Variants in NEURL1 observed in about 807,000 individuals in gnomAD.
NEURL1 encodes E3 ubiquitin-protein ligase NEURL1.
NEURL1 carries 26 observed loss-of-function variants against 41.2 expected under a neutral mutation model. The observed-to-expected ratio is 0.63, with a 90% CI of 0.46 to 0.87. The LOEUF (loss-of-function observed/expected upper bound fraction) is 0.87, where lower values mean the gene tolerates loss of function less well. NEURL1 is among the 40% of genes least tolerant of loss of function. The probability of loss-of-function intolerance (pLI) is 0.00; values close to 1 mark genes in which losing one functional copy is unlikely to be tolerated. For missense variants in NEURL1, 761 were observed against 871.1 expected (o/e 0.87, Z 1.59); for synonymous variants, 400 against 402.3 (o/e 0.99, Z 0.07).
At chr10:103,548,271 T>C (rs554692638) in intron 1 of NEURL1, among the ~76,000 whole-genome samples, 1 of 152,194 alleles carries the variant, frequency 6.6e-6, no homozygotes, top group African/African-American at 2.4e-5. Flanking sequence ...GGGTACCGAG[T>C]AAATGTTTCT....
chr10:103,521,503 C>T (rs10786756), intron 1 of NEURL1, among the ~76,000 whole-genome samples: 2 of 151,862 alleles, frequency 1.3e-5, no homozygotes, highest in East Asian at 1.9e-4. Flanking sequence ...CAATCCCTGA[C>T]GAGTAGCAGA....
chr10:103,506,105 GA>G (rs2033940559), intron 1 of NEURL1, among the ~76,000 whole-genome samples: 3 of 152,344 alleles, frequency 2.0e-5, no homozygotes, highest in African/African-American at 7.2e-5. Flanking sequence ...TTGGGGTAAG[GA>G]CGGAAAAGGG....
chr10:103,555,081 C>G (rs1592218366), intron 1 of NEURL1, among the ~76,000 whole-genome samples: 1 of 151,280 alleles, frequency 6.6e-6, no homozygotes, highest in African/African-American at 2.4e-5. Context: ...CAGATCCCAT[C>G]GGCTGTACCA....
chr10:103,584,840 C>CGGGCGCGACGA lies in NEURL1; in HGVS notation c.956_966dup (p.Arg323GlyfsTer185). 7.1e-7 allele frequency: 1 copy of CGGGCGCGACGA among 1,407,820 alleles called. No individual in the cohort carries two copies. The highest frequency in any genetic ancestry group is 9.2e-7 in the Non-Finnish European group (1 of 1,090,432). The allele number at this position is 1,407,820 out of a possible 1,614,324, so 87.2% of individuals were successfully genotyped here. A position where few individuals can be genotyped will look rare whatever the true frequency, so the allele number is the denominator to read the frequency against. On this transcript the variant is annotated frameshift_variant, in exon 4 of 6. Coordinates refer to ENST00000369780, the MANE Select transcript of NEURL1 (RefSeq NM_004210.5). LOFTEE classifies it high-confidence loss of function. ...AGCAGACGGTGGCGCGCGTGGAGCA[C>CGGGCGCGACGA]GGGCGCGACGAGCGCGCGCTCGTCT...
chr10:103,532,378 G>A (rs147113200), intron 1 of NEURL1, among the ~76,000 whole-genome samples: 1,608 of 152,174 alleles, frequency 0.011, 24 homozygotes, highest in African/African-American at 0.035. Context: ...ACTTTTATGT[G>A]TTTTCATGAT....
intron 1 of NEURL1, chr10:103,550,591 C>T (rs947263989): frequency 2.6e-5 from 4 of 152,300 alleles, no homozygotes; most frequent in East Asian, 1.9e-4. Context: ...CTGTTCTCCA[C>T]CTGCATTTAG....
At chr10:103,534,418 G>A (rs150943509) in intron 1 of NEURL1, among the ~76,000 whole-genome samples, 2 of 152,212 alleles carry the variant, frequency 1.3e-5, no homozygotes, top group East Asian at 3.9e-4. Flanking sequence ...GTAGAGAAAG[G>A]TTTTCATCTG....
At chr10:103,529,121 A>G (rs1246189585) in intron 1 of NEURL1, among the ~76,000 whole-genome samples, 1 of 152,226 alleles carries the variant, frequency 6.6e-6, no homozygotes, top group Non-Finnish European at 1.5e-5. Context: ...TTCTCTCTCC[A>G]GTCTTCATTT....
chr10:103,533,748 G>T (rs1378631818), intron 1 of NEURL1, among the ~76,000 whole-genome samples: 1 of 152,306 alleles, frequency 6.6e-6, no homozygotes, highest in South Asian at 2.1e-4. Flanking sequence ...GTGTTAGCCA[G>T]GATGGTCTCG....
chr10:103,510,614 G>A (rs1371113051), intron 1 of NEURL1, among the ~76,000 whole-genome samples: 1 of 152,170 alleles, frequency 6.6e-6, no homozygotes, highest in East Asian at 1.9e-4. Context: ...TTCTGAAGGG[G>A]CCCAGCTGTC....
Position 103,585,061 on chromosome 10 carries a change from C to G in NEURL1, c.1175C>G (p.Pro392Arg). ...EFWAVCRVPG[P>R]LHSGDILGLV... ...TGGGCCGTGTGCCGCGTGCCCGGGC[C>G]CCTGCACAGCGGCGACATCCTGGGC... The change falls in exon 4 of 6, where the codon CCC (proline) becomes CGC (arginine). Residue 392 changes from proline (P) to arginine (R), a missense_variant. Transcript: ENST00000369780. 6.3e-7 allele frequency: 1 copy of G among 1,590,614 alleles called. No homozygotes were observed. The highest frequency in any genetic ancestry group is 8.5e-7 in the Non-Finnish European group (1 of 1,176,560).
chr10:103,566,151 G>A lies in NEURL1; in HGVS notation c.86-4721G>A, dbSNP rs1230109801. Among the ~76,000 whole-genome samples the A allele has an allele frequency of 6.6e-6, 1 of 151,704 alleles. No individual in the cohort carries two copies. Among genetic ancestry groups the A allele is most frequent in the Non-Finnish European group, 1.5e-5 (1 of 67,964 alleles). ...GTCACCCAGGCTGAAGTGCAGTGGT[G>A]CTATCATAGCTCACTGCAATCTCAA... On this transcript the variant is annotated intron_variant, in intron 1 of 5. Transcript: ENST00000369780. This position sits in a 1 kb window ranked among gnomAD's most constrained non-coding sequence, Gnocchi z 4.2.
At chr10:103,539,476 C>T (rs1386800161) in intron 1 of NEURL1, among the ~76,000 whole-genome samples, 6 of 152,076 alleles carry the variant, frequency 3.9e-5, no homozygotes, top group Admixed American at 3.9e-4. Flanking sequence ...CTTTTTATGT[C>T]CTATTTAAAT....
At chr10:103,510,546 C>T (rs2034046378) in intron 1 of NEURL1, among the ~76,000 whole-genome samples, 1 of 152,174 alleles carries the variant, frequency 6.6e-6, no homozygotes, top group Non-Finnish European at 1.5e-5. Context: ...AGCCCCCCTC[C>T]TTGTAGGCCA....
intron 1 of NEURL1, chr10:103,494,755 T>C (rs2033643206): frequency 2.4e-6 from 1 of 422,492 alleles, no homozygotes; most frequent in East Asian, 4.4e-5. Flanking sequence ...TGGGAAAGGA[T>C]GTTTGCCAGG....
At chr10:103,576,287 T>C (rs936153096) in intron 3 of NEURL1, among the ~76,000 whole-genome samples, 7 of 151,786 alleles carry the variant, frequency 4.6e-5, no homozygotes, top group Non-Finnish European at 8.8e-5. Context: ...AAAGAATGGA[T>C]TGGTTGAGGA....
Position 103,584,638 on chromosome 10 carries a change from G to A in NEURL1, c.752G>A (p.Ser251Asn). The change falls in exon 4 of 6, where the codon AGC becomes AAC. Residue 251 changes from serine to asparagine, a missense_variant. Physicochemically the swap from Ser to Asn is conservative, Grantham distance 46. This residue lies in a region of NEURL1 where 114 missense variants were observed against 144.8 expected (regional missense o/e 0.79). Transcript: ENST00000369780. ...GCGGACGACGCGCGCCTCTCGGTGA[G>A]CCTATGCGACCTCAACGTGCCGGGC... is the stretch of plus-strand genomic sequence containing the variant. ...READDARLSV[S>N]LCDLNVPGAD... The A allele has an allele frequency of 7.0e-7, 1 of 1,434,398 alleles. No homozygotes were observed. Among genetic ancestry groups the A allele is most frequent in the Non-Finnish European group, 9.1e-7 (1 of 1,100,544 alleles). The allele number at this position is 1,434,398 out of a possible 1,614,324, so 88.9% of individuals were successfully genotyped here.
chr10:103,572,445 G>A (rs961632330), intron 3 of NEURL1, among the ~76,000 whole-genome samples: 7 of 152,238 alleles, frequency 4.6e-5, no homozygotes, highest in Non-Finnish European at 1.0e-4. Flanking sequence ...GGCACTGGGG[G>A]AGCTAAGACT....
At position 103,555,240 on chromosome 10, in the gene NEURL1, G is replaced by C. The variant is rs1188499138; in HGVS notation, c.86-15632G>C. 3 of 917,968 alleles carry C rather than the reference G, an allele frequency of 3.3e-6. No individual in the cohort carries two copies. In the African/African-American group the frequency reaches 5.4e-5, roughly 16 times the overall value. 56.9% of individuals were successfully genotyped at this position (917,968 alleles called of 1,614,324 possible). A position where few individuals can be genotyped will look rare whatever the true frequency, so the allele number is the denominator to read the frequency against. ...GGCGCGTGGGGGCGCGTGGGGGCGC[G>C]GGAGGGGCCTCGGCCCTGCCATGCC... On this transcript the variant is annotated intron_variant, in intron 1 of 5. Transcript: ENST00000369780.
Sources: allele counts gnomAD v4.1 joint callset (sites outside exome capture counted in the v4.1 genomes callset), GRCh38; gene constraint gnomAD v4.1.1; regional missense constraint gnomAD v4.1.1; non-coding constraint Gnocchi (gnomAD v3.1); transcripts MANE v1.5; gene names NCBI Gene and HGNC (gene_info 2026-07-23, HGNC 2026-07-21).